FREM2: variants seen among roughly 807,000 people sequenced by gnomAD.
FREM2 encodes the protein FRAS1-related extracellular matrix protein 2.
FREM2 carries 119 observed loss-of-function variants against 219.9 expected under a neutral mutation model. The ratio of observed to expected loss-of-function variants is 0.54; its 90% confidence interval spans 0.47 to 0.63. The LOEUF (loss-of-function observed/expected upper bound fraction) is 0.63, where lower values mean the gene tolerates loss of function less well. Ranked by LOEUF, FREM2 falls within the 30% of genes least tolerant of loss-of-function variation. The pLI is 0.00. For synonymous variants in FREM2, 1,562 were observed against 1,522.8 expected (o/e 1.03, Z -0.60); for missense variants, 4,030 against 3,993.6 (o/e 1.01, Z -0.25).
At chr13:38,753,730 C>A (rs1301875031) in intron 2 of FREM2, among the ~76,000 whole-genome samples, 1 of 152,096 alleles carries the variant, frequency 6.6e-6, no homozygotes. Context: ...TGTCCTTTGT[C>A]CTCTGTAGGT....
intron 6 of FREM2, among the ~76,000 whole-genome samples, chr13:38,798,114 T>C (rs765507905): frequency 2.7e-4 from 41 of 152,078 alleles, no homozygotes; most frequent in Non-Finnish European, 4.3e-4. Context: ...GTGGGTTTGT[T>C]ATATATGGCC....
chr13:38,879,562 G>A (rs949314659), intron 23 of FREM2, among the ~76,000 whole-genome samples: 3 of 152,186 alleles, frequency 2.0e-5, no homozygotes, highest in Non-Finnish European at 2.9e-5. Context: ...AATCTCTGCC[G>A]AAGCAAGTGC....
At chr13:38,879,707 A>G (rs187343431) in intron 23 of FREM2, among the ~76,000 whole-genome samples, 1 of 152,366 alleles carries the variant, frequency 6.6e-6, no homozygotes, top group African/African-American at 2.4e-5. Context: ...AAGTTGAAGT[A>G]TGATATGTTT....
chr13:38,811,641 A>G (rs1043176187), intron 6 of FREM2, among the ~76,000 whole-genome samples: 21 of 151,790 alleles, frequency 1.4e-4, no homozygotes, highest in African/African-American at 4.4e-4. Context: ...TTGTAGTTTT[A>G]TTCTATAGTG....
At chr13:38,843,710 T>C (rs1877045023) in intron 6 of FREM2, among the ~76,000 whole-genome samples, 1 of 152,196 alleles carries the variant, frequency 6.6e-6, no homozygotes, top group Non-Finnish European at 1.5e-5. Context: ...TAAGGTTTTC[T>C]CCCAGTGGTA....
intron 4 of FREM2, among the ~76,000 whole-genome samples, chr13:38,774,645 T>A (rs1039910322): frequency 6.6e-6 from 1 of 152,200 alleles, no homozygotes. Context: ...TAGATATTAG[T>A]TAATGTTAAA....
At chr13:38,720,746 A>T (rs1316107287) in intron 2 of FREM2, among the ~76,000 whole-genome samples, 1 of 152,184 alleles carries the variant, frequency 6.6e-6, no homozygotes, top group Non-Finnish European at 1.5e-5. Context: ...TAAAGAAACC[A>T]GAACACAGCA....
At chr13:38,837,556 A>C (rs1876761084) in intron 6 of FREM2, among the ~76,000 whole-genome samples, 1 of 152,088 alleles carries the variant, frequency 6.6e-6, no homozygotes, top group Non-Finnish European at 1.5e-5. Flanking sequence ...GTCTCCCACT[A>C]TTATTGTGTG....
intron 6 of FREM2, among the ~76,000 whole-genome samples, chr13:38,830,807 T>A (rs1876478037): frequency 6.6e-6 from 1 of 152,150 alleles, no homozygotes; most frequent in Admixed American, 6.6e-5. Context: ...CTGTGTCAGC[T>A]CTCCATCTCG....
At chr13:38,699,031 A>T (rs945915547) in intron 2 of FREM2, among the ~76,000 whole-genome samples, 18 of 152,024 alleles carry the variant, frequency 1.2e-4, no homozygotes, top group African/African-American at 4.3e-4. Context: ...ATCAACTCAT[A>T]AAAAAAACCT....
chr13:38,743,898 G>A (rs1167465768), intron 2 of FREM2, among the ~76,000 whole-genome samples: 6 of 152,080 alleles, frequency 3.9e-5, no homozygotes. Context: ...TTAATGAAAT[G>A]ACTATGTATA....
rs140614302 is a variant in FREM2, at chr13:38,865,139, T to G, written c.7983+533T>G. The stretch of plus-strand genomic sequence containing the variant: ...TTTCTGTTTTTCTCCTCTTCTTCGC[T>G]TTTTGATTCATTTATCTATCATTAA... On this transcript the variant is annotated intron_variant, in intron 16 of 23. Transcript: ENST00000280481. Among the ~76,000 whole-genome samples the G allele has an allele frequency of 5.1e-3, 772 of 152,332 alleles. 4 individuals are homozygous for G. The highest frequency in any genetic ancestry group is 0.015 in the African/African-American group (641 of 41,574).
rs1566129662 is a variant in FREM2, at chr13:38,754,888, TGATGATGATG to T, written c.5264-9415_5264-9406del. ...ATGATGATGATGATGATGATGATGA[TGATGATGATG>T]ATGATTATTATTATTATTATTAGAG... On this transcript the variant is annotated intron_variant, in intron 2 of 23. Coordinates refer to ENST00000280481, the MANE Select transcript of FREM2 (RefSeq NM_207361.6). Among the ~76,000 whole-genome samples, 39 of 110,176 alleles carry T rather than the reference TGATGATGATG, an allele frequency of 3.5e-4. No individual in the cohort carries two copies. The East Asian group carries it at 8.6e-3, about 24-fold the overall frequency. The allele number at this position is 110,176 out of a possible 152,430, so 72.3% of individuals were successfully genotyped here. A position where few individuals can be genotyped will look rare whatever the true frequency, so the allele number is the denominator to read the frequency against.
intron 21 of FREM2, 37 bp downstream of exon 21, chr13:38,877,280 C>A: frequency 6.2e-7 from 1 of 1,608,768 alleles, no homozygotes; most frequent in Non-Finnish European, 8.5e-7. Flanking sequence ...CTCTGTTTGT[C>A]ATGTATATCT....
rs115830086 is a variant in FREM2, at chr13:38,688,034, T to C, written c.690T>C (p.Tyr230=). ...CCGGCTTGGGCGCGCTGCCTCGCTA[T>C]GGAGAACTCCTCCACTACCCGCAGG... is the stretch of plus-strand genomic sequence containing the variant. The part of the protein sequence containing the change: ...ILSGLGALPR[Y]GELLHYPQVP... Residue 230 remains tyrosine, a synonymous_variant, in exon 1 of 24, where the codon TAT becomes TAC. Coordinates refer to ENST00000280481, the MANE Select transcript of FREM2 (RefSeq NM_207361.6). The C allele has an allele frequency of 1.4e-4, 219 of 1,609,926 alleles. No individual in the cohort carries two copies. The African/African-American group carries it at 2.3e-3, about 17-fold the overall frequency.
intron 2 of FREM2, among the ~76,000 whole-genome samples, chr13:38,735,349 T>C (rs1185327884): frequency 6.6e-6 from 1 of 152,182 alleles, no homozygotes; most frequent in African/African-American, 2.4e-5. Flanking sequence ...TGAGTTTAGA[T>C]ACATAGAAGC....
At chr13:38,805,689 T>A (rs1437747377) in intron 6 of FREM2, among the ~76,000 whole-genome samples, 2 of 151,848 alleles carry the variant, frequency 1.3e-5, no homozygotes, top group African/African-American at 4.8e-5. Context: ...ATAAATTGAG[T>A]ATGTGAAGTG....
intron 6 of FREM2, among the ~76,000 whole-genome samples, chr13:38,794,394 G>A: frequency 1.3e-5 from 2 of 152,146 alleles, no homozygotes; most frequent in Non-Finnish European, 2.9e-5. Flanking sequence ...CATGTGACAA[G>A]CTATGTCATT....
At chr13:38,706,549 G>GT (rs1870548639) in intron 2 of FREM2, among the ~76,000 whole-genome samples, 1 of 144,502 alleles carries the variant, frequency 6.9e-6, no homozygotes, top group Admixed American at 7.2e-5. Flanking sequence ...AGTGTTGTGT[G>GT]TATGTAGATA....
Sources: gnomAD v4.1 joint callset for allele counts (sites outside exome capture counted in the v4.1 genomes callset) on GRCh38, gnomAD v4.1.1 for gene constraint, MANE v1.5 for transcripts, NCBI Gene and HGNC (gene_info 2026-07-23, HGNC 2026-07-21) for gene names.